The following AGBL1 variants were observed in gnomAD, a reference collection of about 807,000 sequenced individuals.
The protein encoded by AGBL1 is cytosolic carboxypeptidase 4.
Under a neutral mutation model 118.9 loss-of-function variants are expected in AGBL1, and 130 were observed. That is an observed-to-expected ratio of 1.09 (90% CI 0.95 to 1.26). The LOEUF (loss-of-function observed/expected upper bound fraction) is 1.26, where lower values mean the gene tolerates loss of function less well. Ranked by LOEUF, AGBL1 falls within the 50% of genes most tolerant of loss-of-function variation. AGBL1 has a pLI of 0.00. For missense variants in AGBL1, 1,584 were observed against 1,298.1 expected (o/e 1.22, Z -3.38); for synonymous variants, 555 against 478.9 (o/e 1.16, Z -2.08).
chr15:86,592,683 C>T (rs2084354381), intron 21 of AGBL1, among the ~76,000 whole-genome samples: 1 of 152,206 alleles, frequency 6.6e-6, no homozygotes, highest in Non-Finnish European at 1.5e-5. Flanking sequence ...GCCATTTTGT[C>T]TCTTAGTAGA....
chr15:86,620,519 C>T (rs1473213678), intron 21 of AGBL1, among the ~76,000 whole-genome samples: 1 of 152,146 alleles, frequency 6.6e-6, no homozygotes, highest in African/African-American at 2.4e-5. Context: ...CCTCTCATCT[C>T]CCAGACAGCT....
At chr15:86,556,497 T>C (rs1434633848) in intron 21 of AGBL1, among the ~76,000 whole-genome samples, 1 of 152,174 alleles carries the variant, frequency 6.6e-6, no homozygotes, top group East Asian at 1.9e-4. Context: ...CAAACATTGT[T>C]GAGTAACTGA....
chr15:86,576,946 A>G (rs1567066841), intron 21 of AGBL1, among the ~76,000 whole-genome samples: 1 of 152,186 alleles, frequency 6.6e-6, no homozygotes, highest in African/African-American at 2.4e-5. Flanking sequence ...TAAATTGCCC[A>G]GTCTTGGATA....
intron 24 of AGBL1, among the ~76,000 whole-genome samples, chr15:87,000,818 C>A (rs1004713982): frequency 3.8e-4 from 56 of 146,398 alleles, no homozygotes; most frequent in African/African-American, 1.4e-3. Context: ...TTACCTTGGG[C>A]AGTATGGCCA....
rs533764022 is a variant in AGBL1 at position 86,943,173 on chromosome 15, A to C, written c.3222-44814A>C. Among the ~76,000 whole-genome samples, 19 of 152,328 alleles carry C rather than the reference A, an allele frequency of 1.2e-4. No individual in the cohort carries two copies. The South Asian group carries it at 3.9e-3, about 32-fold the overall frequency. On this transcript the variant is annotated intron_variant, in intron 23 of 24. Coordinates refer to the AGBL1 transcript ENST00000441037. ...TAAGGATTATTTCTCAGTTAACCTA[A>C]GTCTCATACAAATTAAAGAGTCCTG... is the stretch of plus-strand genomic sequence containing the variant.
intron 5 of AGBL1, among the ~76,000 whole-genome samples, chr15:86,213,318 C>T (rs765736469): frequency 7.2e-5 from 11 of 152,160 alleles, no homozygotes; most frequent in Non-Finnish European, 1.6e-4. Flanking sequence ...TAGCAGTACT[C>T]CCTTCACTTC....
At chr15:86,339,951 C>A (rs1186653698) in intron 17 of AGBL1, among the ~76,000 whole-genome samples, 5 of 150,326 alleles carry the variant, frequency 3.3e-5, no homozygotes, top group Non-Finnish European at 7.4e-5. Context: ...GGCGACAGGG[C>A]GGGACTCCAT....
intron 22 of AGBL1, among the ~76,000 whole-genome samples, chr15:86,723,524 A>C (rs183245670): frequency 1.6e-4 from 24 of 152,210 alleles, no homozygotes; most frequent in Admixed American, 4.6e-4. Context: ...GTGAGGGGGG[A>C]GGGATAACAT....
At chr15:86,499,317 A>G (rs906543308) in intron 18 of AGBL1, among the ~76,000 whole-genome samples, 1 of 151,880 alleles carries the variant, frequency 6.6e-6, no homozygotes, top group Admixed American at 6.6e-5. Flanking sequence ...TCTCCTCAAG[A>G]AGTGGGAGGC....
chr15:86,221,303 T>A (rs2078277048), intron 5 of AGBL1, among the ~76,000 whole-genome samples: 1 of 152,146 alleles, frequency 6.6e-6, no homozygotes, highest in Non-Finnish European at 1.5e-5. Flanking sequence ...AAGGCAGTCT[T>A]GCACTCCAAA....
chr15:86,588,894 C>G lies in AGBL1; in HGVS notation c.2994+34357C>G, dbSNP rs532836026. ...TTCTTTGATGGCAAATACGTGTTAT[C>G]AATGTTTATTGAGAAGACTGAGAAT... On this transcript the variant is annotated intron_variant, in intron 21 of 22. Transcript: ENST00000614907. 3.9e-5 allele frequency among the ~76,000 whole-genome samples: 6 copies of G among 152,208 alleles called. No homozygotes were observed. The East Asian group carries it at 1.2e-3, about 29-fold the overall frequency.
intron 1 of AGBL1, among the ~76,000 whole-genome samples, chr15:86,114,628 C>T (rs867631125): frequency 2.6e-5 from 4 of 151,992 alleles, no homozygotes; most frequent in Admixed American, 6.5e-5. Context: ...GTCTTTTTTT[C>T]ACCGATGTCA....
chr15:86,968,019 T>C (rs976818489), intron 23 of AGBL1, among the ~76,000 whole-genome samples: 2 of 152,092 alleles, frequency 1.3e-5, no homozygotes, highest in Non-Finnish European at 2.9e-5. Flanking sequence ...TGGTTTGTTG[T>C]TCTCCTTGAA....
chr15:86,180,971 C>G (rs1221104067), intron 5 of AGBL1, among the ~76,000 whole-genome samples: 1 of 151,996 alleles, frequency 6.6e-6, no homozygotes, highest in East Asian at 1.9e-4. Flanking sequence ...TAATATGATA[C>G]TACTACTTAC....
intron 22 of AGBL1, among the ~76,000 whole-genome samples, chr15:86,750,521 G>T (rs2077833801): frequency 6.6e-6 from 1 of 151,664 alleles, no homozygotes; most frequent in South Asian, 2.1e-4. Flanking sequence ...GTTTGTTTTT[G>T]CTTTGAAAAA....
intron 17 of AGBL1, among the ~76,000 whole-genome samples, chr15:86,392,712 C>T (rs2081306743): frequency 6.6e-6 from 1 of 152,142 alleles, no homozygotes; most frequent in Non-Finnish European, 1.5e-5. Context: ...CTACTTGTTC[C>T]TAATCTCTTT....
In AGBL1 at chr15:86,508,078, GC is replaced by G. The variant is rs544790278; in HGVS notation, c.2556-14729del. Among the ~76,000 whole-genome samples the G allele has an allele frequency of 1.7e-4, 25 of 147,736 alleles. No individual in the cohort carries two copies. The South Asian group carries it at 5.4e-3, about 32-fold the overall frequency. Reference sequence around the variant, plus strand: ...AGAGTGCAGTGGCACGAGCCACCATGCCCAGCTAATTTTTTTTGTATTTTTA... The same window carrying G: ...AGAGTGCAGTGGCACGAGCCACCATGCCAGCTAATTTTTTTTGTATTTTTA... On this transcript the variant is annotated intron_variant, in intron 18 of 22. Coordinates refer to ENST00000614907, the MANE Select transcript of AGBL1 (RefSeq NM_001386094.1).
chr15:86,589,551 C>T (rs1000403555), intron 21 of AGBL1, among the ~76,000 whole-genome samples: 1 of 152,124 alleles, frequency 6.6e-6, no homozygotes, highest in Non-Finnish European at 1.5e-5. Flanking sequence ...AGCCTGGAAC[C>T]AGATGCCTAT....
intron 17 of AGBL1, among the ~76,000 whole-genome samples, chr15:86,391,654 T>G (rs1596057425): frequency 6.9e-6 from 1 of 144,344 alleles, no homozygotes; most frequent in Non-Finnish European, 1.5e-5. Flanking sequence ...TTTTTTTTTT[T>G]TTTTTTTTTT....
Sources: gnomAD v4.1 joint callset for allele counts (sites outside exome capture counted in the v4.1 genomes callset) on GRCh38, gnomAD v4.1.1 for gene constraint, MANE v1.5 for transcripts, NCBI Gene and HGNC (gene_info 2026-07-23, HGNC 2026-07-21) for gene names.